Variants in FRMD8 observed in about 807,000 individuals in gnomAD.
FRMD8 encodes the protein FERM domain-containing protein 8.
In FRMD8, 37 loss-of-function variants were observed where a neutral mutation model predicts 54.2. That is an observed-to-expected ratio of 0.68 (90% CI 0.53 to 0.90). The LOEUF (loss-of-function observed/expected upper bound fraction) is 0.90, where lower values mean the gene tolerates loss of function less well. FRMD8 is among the 40% of genes least tolerant of loss of function. The pLI, the probability that FRMD8 is intolerant of heterozygous loss-of-function variation, is 0.00. For synonymous variants in FRMD8, 246 were observed against 286.9 expected, an observed-to-expected ratio of 0.86 and a Z score of 1.44; for missense variants, 585 against 653.7, an observed-to-expected ratio of 0.89 and a Z score of 1.15.
chr11:65,376,892 G>A, the FRMD8 span: 1 of 1,613,498 alleles, frequency 6.2e-7, no homozygotes, highest in Non-Finnish European at 8.5e-7. Context: ...CACCGTGGGG[G>A]TGTCCCTCAG....
At chr11:65,403,887 T>A (rs1416768217) in intron 9 of FRMD8, among the ~76,000 whole-genome samples, 1 of 152,186 alleles carries the variant, frequency 6.6e-6, no homozygotes, top group Admixed American at 6.5e-5. Context: ...CCTGTTATGG[T>A]TGCACTCAGG....
intron 3 of FRMD8, among the ~76,000 whole-genome samples, chr11:65,391,133 C>T (rs570864489): frequency 4.6e-5 from 7 of 152,364 alleles, no homozygotes; most frequent in African/African-American, 1.4e-4. Context: ...CCCTTCATGC[C>T]GGATGTTTTG....
At chr11:65,379,489 C>T in the FRMD8 span, 2 of 1,614,082 alleles carry the variant, frequency 1.2e-6, no homozygotes, top group South Asian at 1.1e-5. Context: ...TTGCTATAGA[C>T]CCCAAACAGG....
At chr11:65,377,222 G>A in the FRMD8 span, 9 of 1,438,964 alleles carry the variant, frequency 6.3e-6, no homozygotes, top group Non-Finnish European at 7.3e-6. Context: ...TCACGTGCAT[G>A]TGTGGCTGGG....
At chr11:65,369,890 G>A in the FRMD8 span, among the ~76,000 whole-genome samples, 1 of 151,088 alleles carries the variant, frequency 6.6e-6, no homozygotes, top group Non-Finnish European at 1.5e-5. Flanking sequence ...AAATGAGCCG[G>A]GTATGGTGGC....
chr11:65,406,301 T>C (rs1432072811), intron 10 of FRMD8, among the ~76,000 whole-genome samples: 1 of 151,652 alleles, frequency 6.6e-6, no homozygotes, highest in African/African-American at 2.4e-5. Context: ...TTCACGCCAT[T>C]CTCCTGCCTC....
At chr11:65,391,302 G>T (rs1855841182) in intron 3 of FRMD8, among the ~76,000 whole-genome samples, 2 of 152,200 alleles carry the variant, frequency 1.3e-5, no homozygotes, top group South Asian at 4.1e-4. Context: ...CTTTTGAGCT[G>T]CTGGGGCTTG....
intron 2 of FRMD8, among the ~76,000 whole-genome samples, chr11:65,387,731 G>A (rs1855762308): frequency 6.6e-6 from 1 of 151,912 alleles, no homozygotes; most frequent in Admixed American, 6.5e-5. Flanking sequence ...GTAGAGACGG[G>A]GTTTCATCGT....
At chr11:65,391,953 C>T (rs1357940940) in intron 3 of FRMD8, among the ~76,000 whole-genome samples, 2 of 152,224 alleles carry the variant, frequency 1.3e-5, no homozygotes, top group Admixed American at 1.3e-4. Flanking sequence ...AGTGGGTGAT[C>T]TCCATGTCCT....
In FRMD8 at chr11:65,393,622, G is replaced by T; in HGVS notation, c.303G>T (p.Trp101Cys). The T allele has an allele frequency of 6.2e-7, 1 of 1,608,704 alleles. No individual in the cohort carries two copies. Residue 101 changes from tryptophan (W) to cysteine (C), a missense_variant, in exon 4 of 11, where the codon TGG becomes TGT. Transcript: ENST00000317568. ...KHQPYKLGRQ[W>C]PELLLRFTSA... ...AGCCCTACAAGCTGGGACGCCAGTG[G>T]CCGGAGCTGCTGCTGCGCTTCACCA...
rs534683791 is a variant in FRMD8, at chr11:65,395,441, A to C, written c.581+1016A>C. On this transcript the variant is annotated intron_variant, in intron 6 of 10. Coordinates refer to ENST00000317568, the MANE Select transcript of FRMD8 (RefSeq NM_031904.5). ...GTAATCCCAGCTACTCGGGAGGCTG[A>C]GGCAGGAGAATTGCTTGAACTTGGC... 3.3e-5 allele frequency among the ~76,000 whole-genome samples: 5 copies of C among 152,332 alleles called. No individual in the cohort carries two copies. In the East Asian group the frequency reaches 9.6e-4, roughly 29 times the overall value.
At chr11:65,377,290 A>G in the FRMD8 span, 3 of 1,406,078 alleles carry the variant, frequency 2.1e-6, no homozygotes, top group Non-Finnish European at 2.8e-6. Context: ...ATCAGGCCCA[A>G]GAGTGAGAGG....
intron 2 of FRMD8, among the ~76,000 whole-genome samples, chr11:65,387,888 G>A (rs1855765298): frequency 6.6e-6 from 1 of 152,014 alleles, no homozygotes; most frequent in Non-Finnish European, 1.5e-5. Context: ...ATCAGGCTGG[G>A]CGTAGTAGCT....
At chr11:65,376,375 C>T in the FRMD8 span, 1 of 1,604,602 alleles carries the variant, frequency 6.2e-7, no homozygotes, top group Non-Finnish European at 8.5e-7. Flanking sequence ...GGCCGTGGGC[C>T]TGATGGGGAG....
chr11:65,410,325 G>A (rs1856302302), intron 10 of FRMD8, among the ~76,000 whole-genome samples: 1 of 151,792 alleles, frequency 6.6e-6, no homozygotes, highest in Non-Finnish European at 1.5e-5. Context: ...GTGAAACCCC[G>A]TCTCTACTAA....
chr11:65,403,626 G>A (rs931125819), intron 9 of FRMD8, among the ~76,000 whole-genome samples: 6 of 152,268 alleles, frequency 3.9e-5, no homozygotes, highest in South Asian at 2.1e-4. Context: ...GTGCGCAGGC[G>A]TCCCTGACGC....
At chr11:65,384,450 C>T (rs957981043), upstream of FRMD8, among the ~76,000 whole-genome samples, 22 of 152,074 alleles carry the variant, frequency 1.4e-4, no homozygotes, top group African/African-American at 5.3e-4. Context: ...GCAGACACTC[C>T]CAGGTGTCAG....
At chr11:65,398,355 C>G (rs1173582675) in intron 7 of FRMD8, among the ~76,000 whole-genome samples, 1 of 152,236 alleles carries the variant, frequency 6.6e-6, no homozygotes, top group Non-Finnish European at 1.5e-5. Flanking sequence ...CCACTGGCGA[C>G]TTCGAGTGGG....
In FRMD8 at chr11:65,400,142, G is replaced by T. The variant is rs2137907575; in HGVS notation, c.927+283G>T. On this transcript the variant is annotated intron_variant, in intron 8 of 10. Transcript: ENST00000317568. This position sits in a 1 kb window ranked among gnomAD's most constrained non-coding sequence, Gnocchi z 4.3. ...GGCCCGCTGCTCTGCCTGGCTGATG[G>T]CTGGAGAACAGCCTGATGCTCCAGA... Among the ~76,000 whole-genome samples the T allele has an allele frequency of 6.6e-6, 1 of 152,324 alleles. No homozygotes were observed. Among genetic ancestry groups the T allele is most frequent in the South Asian group, 2.1e-4 (1 of 4,830 alleles).
Sources: gnomAD v4.1 joint callset for allele counts (sites outside exome capture counted in the v4.1 genomes callset) on GRCh38, gnomAD v4.1.1 for gene constraint, Gnocchi (gnomAD v3.1) non-coding constraint, MANE v1.5 for transcripts, NCBI Gene and HGNC (gene_info 2026-07-23, HGNC 2026-07-21) for gene names.